NR2F1-AS1: variants seen among roughly 807,000 people sequenced by gnomAD.
NR2F1-AS1 encodes the protein NR2F1 antisense RNA 1.
chr5:93,445,504 T>C (rs1046837352), intron 4 of NR2F1-AS1, among the ~76,000 whole-genome samples: 1 of 152,034 alleles, frequency 6.6e-6, no homozygotes, highest in Admixed American at 6.5e-5. Context: ...CAGGAAGAAG[T>C]TGAATCCCTG....
intron 4 of NR2F1-AS1, among the ~76,000 whole-genome samples, chr5:93,462,554 C>T (rs1750119313): frequency 1.3e-5 from 2 of 152,040 alleles, no homozygotes; most frequent in South Asian, 4.1e-4. Flanking sequence ...AACTTTGGAA[C>T]TGGGTAACCG....
At chr5:93,521,245 A>C (rs1561480821) in intron 4 of NR2F1-AS1, among the ~76,000 whole-genome samples, 1 of 152,214 alleles carries the variant, frequency 6.6e-6, no homozygotes, top group Non-Finnish European at 1.5e-5. Flanking sequence ...TTTAAATGTA[A>C]AACTCAAAAC....
chr5:93,584,175 G>C (rs1197339122), upstream of NR2F1-AS1: 1 of 148,706 alleles, frequency 6.7e-6, no homozygotes, highest in Non-Finnish European at 1.5e-5. Context: ...CGGCGCCGCG[G>C]GCGGCCCCGG....
chr5:93,548,017 G>C (rs1004187987), intron 4 of NR2F1-AS1, among the ~76,000 whole-genome samples: 3 of 152,166 alleles, frequency 2.0e-5, no homozygotes, highest in African/African-American at 7.2e-5. Context: ...GGAACGTAAG[G>C]CTGGCAGATT....
intron 4 of NR2F1-AS1, among the ~76,000 whole-genome samples, chr5:93,426,244 C>T (rs1444126467): frequency 2.7e-5 from 4 of 150,152 alleles, no homozygotes; most frequent in Non-Finnish European, 5.9e-5. Context: ...CATGGGGTTT[C>T]ACCATGTTGG....
upstream of NR2F1-AS1, among the ~76,000 whole-genome samples, chr5:93,582,249 G>A (rs1454764331): frequency 6.7e-6 from 1 of 148,160 alleles, no homozygotes; most frequent in African/African-American, 2.5e-5. Flanking sequence ...AAGCATTGTT[G>A]GAGTTTGGAA....
intron 4 of NR2F1-AS1, among the ~76,000 whole-genome samples, chr5:93,471,908 A>G (rs1341678179): frequency 6.6e-6 from 1 of 151,930 alleles, no homozygotes; most frequent in Non-Finnish European, 1.5e-5. Flanking sequence ...ATAGCTGCGT[A>G]TCTCACTAGG....
intron 4 of NR2F1-AS1, among the ~76,000 whole-genome samples, chr5:93,429,553 T>C (rs936060722): frequency 1.3e-5 from 2 of 152,248 alleles, no homozygotes; most frequent in African/African-American, 2.4e-5. Flanking sequence ...ATTTATTCTA[T>C]TGAAAGGGGA....
upstream of NR2F1-AS1, among the ~76,000 whole-genome samples, chr5:93,582,095 C>A (rs532835818): frequency 7.3e-4 from 101 of 138,874 alleles, 1 homozygote; most frequent in Non-Finnish European, 2.0e-4. Context: ...TCTCCTCCTC[C>A]CCCTTTTCTC....
intron 2 of NR2F1-AS1, among the ~76,000 whole-genome samples, chr5:93,560,501 A>G (rs904781620): frequency 1.9e-4 from 29 of 152,224 alleles, no homozygotes; most frequent in African/African-American, 6.0e-4. Context: ...AAAGCTCTAC[A>G]ATACCACTCC....
intron 4 of NR2F1-AS1, among the ~76,000 whole-genome samples, chr5:93,483,086 G>A (rs1048200544): frequency 1.3e-5 from 2 of 152,154 alleles, no homozygotes; most frequent in South Asian, 2.1e-4. Flanking sequence ...CTAGCACAGC[G>A]CTCGATCTCT....
chr5:93,523,215 T>G (rs1751540981), intron 4 of NR2F1-AS1, among the ~76,000 whole-genome samples: 1 of 152,110 alleles, frequency 6.6e-6, no homozygotes, highest in African/African-American at 2.4e-5. Context: ...CCCCTCACAG[T>G]GTAAACAAAG....
At chr5:93,535,027 A>G (rs1376653191) in intron 4 of NR2F1-AS1, among the ~76,000 whole-genome samples, 3 of 152,212 alleles carry the variant, frequency 2.0e-5, no homozygotes, top group South Asian at 2.1e-4. Context: ...AGGAAGCAAC[A>G]TATTTACCAA....
intron 4 of NR2F1-AS1, among the ~76,000 whole-genome samples, chr5:93,448,669 A>G (rs914083019): frequency 1.1e-4 from 16 of 152,226 alleles, no homozygotes; most frequent in African/African-American, 3.6e-4. Context: ...TTGAGACCCA[A>G]AAAGACTGAT....
At chr5:93,470,651 T>G (rs1750347085) in intron 4 of NR2F1-AS1, among the ~76,000 whole-genome samples, 1 of 151,876 alleles carries the variant, frequency 6.6e-6, no homozygotes, top group African/African-American at 2.4e-5. Flanking sequence ...AGTGGATATA[T>G]CACTCCTAGT....
rs1450943628 is a variant in NR2F1-AS1, at chr5:93,579,619, C to A, written n.313+848G>T. On this transcript the variant is annotated intron_variant and non_coding_transcript_variant, in intron 1 of 5. Transcript: ENST00000660523. This position sits in a 1 kb window ranked among gnomAD's most constrained non-coding sequence, Gnocchi z 5.1. ...CCCAGCCCCCGGGTGCAGTCCCCAG[C>A]ATCGGCTGCCCCCGCCCCCCGCGCG... Among the ~76,000 whole-genome samples, 2 of 151,970 alleles carry A rather than the reference C, an allele frequency of 1.3e-5. No homozygotes were observed. The highest frequency in any genetic ancestry group is 2.9e-5 in the Non-Finnish European group (2 of 67,934).
At chr5:93,499,746 G>C (rs1751039306) in intron 4 of NR2F1-AS1, among the ~76,000 whole-genome samples, 1 of 152,142 alleles carries the variant, frequency 6.6e-6, no homozygotes, top group Non-Finnish European at 1.5e-5. Flanking sequence ...GTGCCAAACA[G>C]CCAAGTTACG....
intron 4 of NR2F1-AS1, among the ~76,000 whole-genome samples, chr5:93,512,788 T>C (rs1751326419): frequency 6.6e-6 from 1 of 152,226 alleles, no homozygotes; most frequent in South Asian, 2.1e-4. Context: ...ACATGCTGTT[T>C]GTACACTGTA....
At chr5:93,476,547 AAT>A (rs764747894) in intron 4 of NR2F1-AS1, among the ~76,000 whole-genome samples, 11 of 152,204 alleles carry the variant, frequency 7.2e-5, no homozygotes, top group Non-Finnish European at 1.5e-4. Flanking sequence ...AATTAAAGTC[AAT>A]ATGTCTTTTT....
Sources: gnomAD v4.1 joint callset for allele counts (sites outside exome capture counted in the v4.1 genomes callset) on GRCh38, gnomAD v4.1.1 for gene constraint, Gnocchi (gnomAD v3.1) non-coding constraint, MANE v1.5 for transcripts, NCBI Gene and HGNC (gene_info 2026-07-23, HGNC 2026-07-21) for gene names.